The following TRRAP variants were observed in gnomAD, a reference collection of about 807,000 sequenced individuals.
TRRAP encodes the protein transformation/transcription domain-associated protein.
TRRAP carries 41 observed loss-of-function variants against 438.8 expected under a neutral mutation model. The observed-to-expected ratio is 0.09, with a 90% CI of 0.07 to 0.12. The LOEUF is 0.12. TRRAP is among the 10% of genes least tolerant of loss of function. The probability of loss-of-function intolerance (pLI) is 1.00; values close to 1 mark genes in which losing one functional copy is unlikely to be tolerated. For missense variants in TRRAP, 3,122 were observed against 5,055.1 expected (o/e 0.62, Z 11.60); for synonymous variants, 1,994 against 1,962.9 (o/e 1.02, Z -0.42).
chr7:98,910,943 G>A (rs1018017718), intron 16 of TRRAP, 134 bp from the exon 17 acceptor site: 136 of 730,528 alleles, frequency 1.9e-4, no homozygotes, highest in Non-Finnish European at 2.7e-4. Flanking sequence ...AATTTAAAAG[G>A]TTTTGGAGGG....
intron 3 of TRRAP, among the ~76,000 whole-genome samples, chr7:98,883,110 C>T (rs887119301): frequency 6.6e-6 from 1 of 152,260 alleles, no homozygotes; most frequent in Admixed American, 6.5e-5. Context: ...TTGTGGACCT[C>T]ACATCCTACA....
Position 98,930,969 on chromosome 7 carries a change from T to C in TRRAP, c.3591+139T>C, listed in dbSNP as rs949900362. ...ATACTCAGATTTCATTTCAGCATCT[T>C]CACTAAAAGGACAGCTCAGAGCTCC... On this transcript the variant is annotated intron_variant, in intron 25 of 72. Transcript: ENST00000456197. The C allele has an allele frequency of 5.2e-6, 6 of 1,160,708 alleles. No individual in the cohort carries two copies. In the African/African-American group the frequency reaches 9.3e-5, roughly 18 times the overall value. 71.9% of individuals were successfully genotyped at this position (1,160,708 alleles called of 1,614,324 possible). A position where few individuals can be genotyped will look rare whatever the true frequency, so the allele number is the denominator to read the frequency against.
chr7:98,962,194 C>T (rs887093606), intron 46 of TRRAP, 108 bp from the exon 47 acceptor site: 23 of 1,540,582 alleles, frequency 1.5e-5, no homozygotes, highest in Admixed American at 3.5e-5. Flanking sequence ...GAGAAGTGCC[C>T]GTGCCAATCC....
rs3735363 is a variant in TRRAP at position 98,949,523 on chromosome 7, G to T, written c.4895G>T (p.Arg1632Leu). 1.1e-4 allele frequency: 177 copies of T among 1,605,226 alleles called. 1 individual carries two copies. The East Asian group carries it at 3.9e-3, about 35-fold the overall frequency. The change falls in exon 36 of 73, where the codon CGC becomes CTC. Residue 1632 changes from arginine (R) to leucine (L), a missense_variant. Physicochemically the swap from Arg to Leu is moderately radical, Grantham distance 102 (BLOSUM62 -2). Coordinates refer to ENST00000456197, the MANE Select transcript of TRRAP (RefSeq NM_001375524.1). ...LLPGGAQTAV[R>L]PGSPSTSTMR... Reference sequence around the variant, plus strand: ...CCGGGGGGTGCCCAGACGGCTGTGCGCCCCGGTTCGCCCAGCACCAGCACC... The same window carrying T: ...CCGGGGGGTGCCCAGACGGCTGTGCTCCCCGGTTCGCCCAGCACCAGCACC...
chr7:98,976,193 C>T lies in TRRAP; in HGVS notation c.7884C>T (p.Ser2628=). ...CTTTCGTTCAGCTGTGCCACATTTC[C>T]ACGACGCTGGCAGAGAAGACGTGGG... ...LSAFVQLCHI[S]TTLAEKTWVQ... The change falls in exon 54 of 73, where the codon TCC becomes TCT. Residue 2628 remains serine (S), a synonymous_variant. Coordinates refer to ENST00000456197, the MANE Select transcript of TRRAP (RefSeq NM_001375524.1). This position sits in a 1 kb window ranked among gnomAD's most constrained non-coding sequence, Gnocchi z 4.6. The T allele has an allele frequency of 6.2e-7, 1 of 1,614,112 alleles. No homozygotes were observed. The highest frequency in any genetic ancestry group is 1.3e-5 in the African/African-American group (1 of 75,044).
chr7:98,946,720 G>C (rs1485890279), intron 33 of TRRAP, among the ~76,000 whole-genome samples: 3 of 152,132 alleles, frequency 2.0e-5, no homozygotes, highest in Non-Finnish European at 2.9e-5. Flanking sequence ...TCACAACATT[G>C]TGCAGCATTG....
intron 4 of TRRAP, among the ~76,000 whole-genome samples, chr7:98,891,862 T>C (rs1795995563): frequency 6.6e-6 from 1 of 152,186 alleles, no homozygotes; most frequent in Non-Finnish European, 1.5e-5. Flanking sequence ...TAAAAATAAC[T>C]TTTAAAAAAC....
In TRRAP at chr7:98,994,795, A is replaced by G; in HGVS notation, c.10256A>G (p.Gln3419Arg). ...AASESLARRA[Q>R]ATAQDPVFQK... ...TCTGAGTCTCTGGCCCGGCGGGCGC[A>G]GGCCACTGCACAAGACCCTGTCTTT... The change falls in exon 67 of 73, where the codon CAG becomes CGG. Residue 3419 changes from glutamine (Q) to arginine (R), a missense_variant. By Grantham distance (43) the Gln-to-Arg change is conservative (BLOSUM62 1). This residue lies in a region of TRRAP where 107 missense variants were observed against 327.5 expected (regional missense o/e 0.33). Transcript: ENST00000456197. The surrounding 1 kb of genome is among the most constrained non-coding windows in gnomAD (Gnocchi z 4.8). 1 of 1,614,124 alleles carries G rather than the reference A, an allele frequency of 6.2e-7. No individual in the cohort carries two copies. Among genetic ancestry groups the G allele is most frequent in the Non-Finnish European group, 8.5e-7 (1 of 1,179,988 alleles).
intron 22 of TRRAP, 50 bp from the exon 23 acceptor site, chr7:98,927,117 T>C: frequency 1.2e-6 from 2 of 1,603,554 alleles, no homozygotes; most frequent in South Asian, 1.1e-5. Flanking sequence ...AGTGGAGTCA[T>C]CAGCTCAGGA....
intron 69 of TRRAP, among the ~76,000 whole-genome samples, chr7:99,007,979 C>A (rs958823534): frequency 8.6e-5 from 13 of 151,930 alleles, no homozygotes; most frequent in African/African-American, 3.1e-4. Flanking sequence ...GCACCTGCCA[C>A]CACTCCCGGC....
rs1212271634 is a variant in TRRAP at position 99,013,111 on chromosome 7, A to C, written c.*756A>C. The C allele has an allele frequency of 1.3e-5, 2 of 152,208 alleles. No homozygotes were observed. Among genetic ancestry groups the C allele is most frequent in the Non-Finnish European group, 2.9e-5 (2 of 68,036 alleles). The allele number at this position is 152,208 out of a possible 1,614,324, so 9.4% of individuals were successfully genotyped here. A position where few individuals can be genotyped will look rare whatever the true frequency, so the allele number is the denominator to read the frequency against. On this transcript the variant is annotated 3_prime_UTR_variant, in exon 73 of 73. Coordinates refer to ENST00000456197, the MANE Select transcript of TRRAP (RefSeq NM_001375524.1). ...TACCTTCCTAATTTAAAAAGACAAA[A>C]CAGAAATGTACGTTCCTTCGCTAGC...
Position 98,949,812 on chromosome 7 carries a change from G to T in TRRAP, c.5106G>T (p.Leu1702=). ...MAATNWKEPK[L]LAYCLLNYCK... ...CCACCAACTGGAAGGAGCCCAAGCT[G>T]CTGGCCTACTGCCTGCTGAACTACT... The change falls in exon 37 of 73, where the codon CTG becomes CTT. Residue 1702 remains leucine (L), a synonymous_variant. Coordinates refer to ENST00000456197, the MANE Select transcript of TRRAP (RefSeq NM_001375524.1). The T allele has an allele frequency of 6.2e-7, 1 of 1,613,698 alleles. No homozygotes were observed. The highest frequency in any genetic ancestry group is 8.5e-7 in the Non-Finnish European group (1 of 1,179,946).
intron 51 of TRRAP, 136 bp downstream of exon 51, chr7:98,967,834 G>A: frequency 1.3e-6 from 1 of 795,322 alleles, no homozygotes. Context: ...TGATCTCCAG[G>A]AAGAAAATAA....
intron 33 of TRRAP, among the ~76,000 whole-genome samples, chr7:98,947,049 G>A (rs1791112654): frequency 6.6e-6 from 1 of 152,248 alleles, no homozygotes; most frequent in Non-Finnish European, 1.5e-5. Flanking sequence ...CTCAGGTGCT[G>A]CTGGGAGTGG....
At chr7:98,894,895 C>G (rs1796133370) in intron 6 of TRRAP, among the ~76,000 whole-genome samples, 1 of 149,226 alleles carries the variant, frequency 6.7e-6, no homozygotes, top group Non-Finnish European at 1.5e-5. Flanking sequence ...CTCAGCCTCC[C>G]AAAGTGCTGG....
Position 98,903,498 on chromosome 7 carries a change from C to T in TRRAP, c.1017C>T (p.Leu339=). ...TTCTGATTGCTGCCAAACACATCCT[C>T]ACCACAGAGCTGAGAAACCGTACGT... ...KELLIAAKHI[L]TTELRNQFIP... Residue 339 remains leucine (L), a synonymous_variant, in exon 12 of 73, where the codon CTC becomes CTT. Coordinates refer to ENST00000456197, the MANE Select transcript of TRRAP (RefSeq NM_001375524.1). 6.2e-7 allele frequency: 1 copy of T among 1,614,170 alleles called. No homozygotes were observed. The highest frequency in any genetic ancestry group is 1.1e-5 in the South Asian group (1 of 91,084).
At chr7:98,965,597 A>G in intron 48 of TRRAP, 99 bp from the exon 49 acceptor site, 1 of 1,525,218 alleles carries the variant, frequency 6.6e-7, no homozygotes, top group Middle Eastern at 2.4e-4. Flanking sequence ...ATTGAGGGGG[A>G]AAATGGGCAG....
chr7:98,898,477 G>A (rs1796325869), intron 8 of TRRAP, among the ~76,000 whole-genome samples: 1 of 152,192 alleles, frequency 6.6e-6, no homozygotes, highest in Non-Finnish European at 1.5e-5. Flanking sequence ...ATCCATGTTT[G>A]TTTTTCTGAA....
intron 51 of TRRAP, among the ~76,000 whole-genome samples, chr7:98,969,855 T>G (rs1442522512): frequency 1.3e-5 from 2 of 151,968 alleles, no homozygotes; most frequent in Admixed American, 1.3e-4. Flanking sequence ...ACCGCCTAGG[T>G]GTTCAGGAGT....
Sources: allele counts gnomAD v4.1 joint callset (sites outside exome capture counted in the v4.1 genomes callset), GRCh38; gene constraint gnomAD v4.1.1; regional missense constraint gnomAD v4.1.1; non-coding constraint Gnocchi (gnomAD v3.1); transcripts MANE v1.5; gene names NCBI Gene and HGNC (gene_info 2026-07-23, HGNC 2026-07-21).